LPXN: variants seen among roughly 807,000 people sequenced by gnomAD.
LPXN encodes leupaxin.
A neutral mutation model predicts 45.6 loss-of-function variants in LPXN; 28 were observed. The observed-to-expected ratio is 0.61, with a 90% CI of 0.45 to 0.84. The LOEUF (loss-of-function observed/expected upper bound fraction) is 0.84. Among genes scored for constraint, LPXN ranks in the 40% least tolerant of loss-of-function variants. The pLI is 0.00. For synonymous variants in LPXN, 166 were observed against 169.9 expected (o/e 0.98, Z 0.18); for missense variants, 459 against 475.0 (o/e 0.97, Z 0.31).
At position 58,564,192 on chromosome 11, in the gene LPXN, C is replaced by A. The variant is rs202023194; in HGVS notation, c.181G>T (p.Val61Leu). The change falls in exon 3 of 9, where the codon GTG becomes TTG. Residue 61 changes from valine (V) to leucine (L), a missense_variant. Physicochemically the swap from Val to Leu is conservative, Grantham distance 32. Coordinates refer to ENST00000395074, the MANE Select transcript of LPXN (RefSeq NM_004811.3). The part of the protein sequence containing the change: ...DNTSPLPAQL[V>L]YTTNIQELNV... The stretch of plus-strand genomic sequence containing the variant: ...AGCTCCTGGATATTGGTAGTATACA[C>A]GAGCTGCGCCTAAGATATATAAGTG... 5.6e-6 allele frequency: 9 copies of A among 1,603,544 alleles called. No individual in the cohort carries two copies. The East Asian group carries it at 2.0e-4, about 36-fold the overall frequency.
At chr11:58,565,645 C>T (rs957260759) in intron 2 of LPXN, among the ~76,000 whole-genome samples, 4 of 151,926 alleles carry the variant, frequency 2.6e-5, no homozygotes, top group Admixed American at 2.6e-4. Context: ...CCTGAAATAT[C>T]TTAAAGTGAT....
intron 3 of LPXN, among the ~76,000 whole-genome samples, chr11:58,563,272 G>A (rs1195412087): frequency 6.6e-6 from 1 of 152,080 alleles, no homozygotes; most frequent in Non-Finnish European, 1.5e-5. Flanking sequence ...ATTCTCATCT[G>A]GCAACATCCT....
At chr11:58,549,102 A>C (rs1291201729) in intron 7 of LPXN, among the ~76,000 whole-genome samples, 1 of 152,236 alleles carries the variant, frequency 6.6e-6, no homozygotes, top group African/African-American at 2.4e-5. Context: ...TATTATTTAA[A>C]ACACATAAGC....
In LPXN at chr11:58,564,175, G is replaced by C; in HGVS notation, c.198C>G (p.Ile66Met). ...AATACCTGTAGACATTGAGCTCCTG[G>C]ATATTGGTAGTATACACGAGCTGCG... ...LPAQLVYTTNIQELNVYSEAQ... is the reference protein window; with the variant it reads ...LPAQLVYTTNMQELNVYSEAQ... Residue 66 changes from isoleucine to methionine, a missense_variant, in exon 3 of 9, where the codon ATC becomes ATG. Physicochemically the swap from Ile to Met is conservative, Grantham distance 10. Transcript: ENST00000395074. 1 of 1,602,612 alleles carries C rather than the reference G, an allele frequency of 6.2e-7. No homozygotes were observed. The highest frequency in any genetic ancestry group is 8.5e-7 in the Non-Finnish European group (1 of 1,173,536).
intron 6 of LPXN, 23 bp from the exon 7 acceptor site, chr11:58,549,890 T>C: frequency 6.2e-7 from 1 of 1,613,938 alleles, no homozygotes; most frequent in South Asian, 1.1e-5. Context: ...CACACAGATA[T>C]TATAATGATG....
chr11:58,567,288 T>A (rs1037548032), intron 2 of LPXN, among the ~76,000 whole-genome samples: 7 of 152,232 alleles, frequency 4.6e-5, no homozygotes, highest in African/African-American at 1.4e-4. Flanking sequence ...ACAGTGGCAT[T>A]AACAATGTCA....
At chr11:58,547,606 C>G (rs986672142) in intron 7 of LPXN, among the ~76,000 whole-genome samples, 1 of 152,132 alleles carries the variant, frequency 6.6e-6, no homozygotes, top group African/African-American at 2.4e-5. Flanking sequence ...TGGTAGATAA[C>G]AAAGCGAGGT....
intron 4 of LPXN, among the ~76,000 whole-genome samples, chr11:58,552,669 C>T (rs1366747937): frequency 6.6e-6 from 1 of 152,186 alleles, no homozygotes; most frequent in Non-Finnish European, 1.5e-5. Context: ...ACACTGTCAC[C>T]AATCAAAATG....
At chr11:58,535,028 T>C (rs987421288) in intron 7 of LPXN, among the ~76,000 whole-genome samples, 5 of 152,116 alleles carry the variant, frequency 3.3e-5, no homozygotes, top group African/African-American at 1.2e-4. Flanking sequence ...CAGTAATTAA[T>C]AGCCTACCGA....
intron 7 of LPXN, among the ~76,000 whole-genome samples, chr11:58,531,958 C>T (rs548030929): frequency 2.0e-5 from 3 of 152,196 alleles, no homozygotes; most frequent in Non-Finnish European, 2.9e-5. Context: ...CGGAGAGGCA[C>T]GGGCAGGAAC....
chr11:58,536,036 C>T (rs560573246), intron 7 of LPXN, among the ~76,000 whole-genome samples: 37 of 152,304 alleles, frequency 2.4e-4, no homozygotes, highest in Non-Finnish European at 4.9e-4. Flanking sequence ...AAAAATATTC[C>T]ATGCTTCTGG....
intron 4 of LPXN, 102 bp from the exon 5 acceptor site, chr11:58,551,334 G>A: frequency 1.0e-6 from 1 of 964,338 alleles, no homozygotes; most frequent in Non-Finnish European, 1.4e-6. Context: ...TGATCTCTTG[G>A]CCTTTCCCCA....
Position 58,549,775 on chromosome 11 carries a change from T to G in LPXN, c.742+11A>C. Reference sequence around the variant, plus strand: ...GGGGTGTGGGATACAGCCTCTCAAGTCGGGTCATACCTTCTGCACCAAACA... The same window carrying G: ...GGGGTGTGGGATACAGCCTCTCAAGGCGGGTCATACCTTCTGCACCAAACA... On this transcript the variant is annotated intron_variant, in intron 7 of 8. Transcript: ENST00000395074. 1 of 1,613,644 alleles carries G rather than the reference T, an allele frequency of 6.2e-7. No homozygotes were observed.
At chr11:58,564,425 C>G (rs576276939) in intron 2 of LPXN, among the ~76,000 whole-genome samples, 1 of 152,318 alleles carries the variant, frequency 6.6e-6, no homozygotes, top group African/African-American at 2.4e-5. Context: ...CAAACACTAG[C>G]AGCCCCTCCT....
intron 7 of LPXN, among the ~76,000 whole-genome samples, chr11:58,539,380 C>T (rs1390309403): frequency 2.6e-5 from 4 of 152,220 alleles, no homozygotes; most frequent in Admixed American, 2.6e-4. Flanking sequence ...GAAATGACAT[C>T]CCAGAAATAA....
chr11:58,570,779 TAAA>T (rs1565206103), intron 1 of LPXN, 66 bp from the exon 2 acceptor site: 1 of 1,245,548 alleles, frequency 8.0e-7, no homozygotes, highest in Non-Finnish European at 1.1e-6. Flanking sequence ...ATTTTCTCCT[TAAA>T]TATCTTCACT....
intron 1 of LPXN, among the ~76,000 whole-genome samples, chr11:58,575,428 C>G (rs1267363496): frequency 6.6e-6 from 1 of 152,150 alleles, no homozygotes; most frequent in Non-Finnish European, 1.5e-5. Flanking sequence ...TGTGGCCACC[C>G]TTGATCTCCA....
At chr11:58,528,869 T>C (rs963608176) in intron 7 of LPXN, among the ~76,000 whole-genome samples, 1 of 152,226 alleles carries the variant, frequency 6.6e-6, no homozygotes, top group Non-Finnish European at 1.5e-5. Context: ...GTATATTATT[T>C]TTATTGTTTA....
intron 7 of LPXN, among the ~76,000 whole-genome samples, chr11:58,548,154 T>A (rs1464636510): frequency 2.0e-5 from 3 of 152,142 alleles, no homozygotes; most frequent in Non-Finnish European, 4.4e-5. Context: ...CCAGGCAACT[T>A]AAGGGCAATG....
Sources: gnomAD v4.1 joint callset for allele counts (sites outside exome capture counted in the v4.1 genomes callset) on GRCh38, gnomAD v4.1.1 for gene constraint, MANE v1.5 for transcripts, NCBI Gene and HGNC (gene_info 2026-07-23, HGNC 2026-07-21) for gene names.